ASIC2: variants seen among roughly 807,000 people sequenced by gnomAD.
ASIC2 encodes the protein acid sensing ion channel subunit 2.
A neutral mutation model predicts 57.3 loss-of-function variants in ASIC2; 25 were observed. The ratio of observed to expected loss-of-function variants is 0.44; its 90% CI spans 0.32 to 0.61. ASIC2 has a LOEUF of 0.61. Ranked by LOEUF, ASIC2 falls within the 20% of genes least tolerant of loss-of-function variation. The probability of loss-of-function intolerance (pLI) is 0.06; values close to 1 mark genes in which losing one functional copy is unlikely to be tolerated. For missense variants in ASIC2, 641 were observed against 738.1 expected (o/e 0.87, Z 1.52); for synonymous variants, 319 against 307.5 (o/e 1.04, Z -0.39).
At chr17:34,018,154 C>G (rs1467117045) in intron 1 of ASIC2, among the ~76,000 whole-genome samples, 1 of 152,154 alleles carries the variant, frequency 6.6e-6, no homozygotes, top group Non-Finnish European at 1.5e-5. Flanking sequence ...TAAGTTGAAG[C>G]CAATGCTCAT....
At chr17:34,012,666 A>G (rs1906813295) in intron 1 of ASIC2, among the ~76,000 whole-genome samples, 1 of 151,606 alleles carries the variant, frequency 6.6e-6, no homozygotes, top group Admixed American at 6.6e-5. Context: ...ATCACCTTAG[A>G]TTTGCATTTT....
In ASIC2 at chr17:33,772,161, A is replaced by C. The variant is rs377589740; in HGVS notation, c.555+383817T>G. On this transcript the variant is annotated intron_variant, in intron 1 of 9. Coordinates refer to the ASIC2 transcript ENST00000359872. ...TAAAACCTAAAAATATTCTATGTAAAAATAGACCATAAATAAATGATCTAA... is the reference window on the plus strand; with the variant it reads ...TAAAACCTAAAAATATTCTATGTAACAATAGACCATAAATAAATGATCTAA... Among the ~76,000 whole-genome samples the C allele has an allele frequency of 2.3e-4, 35 of 152,324 alleles. No homozygotes were observed. The South Asian group carries it at 6.8e-3, about 30-fold the overall frequency.
At chr17:33,158,330 A>G (rs1015298303) in intron 1 of ASIC2, among the ~76,000 whole-genome samples, 4 of 152,222 alleles carry the variant, frequency 2.6e-5, no homozygotes, top group African/African-American at 7.2e-5. Flanking sequence ...CTCAAGGGAA[A>G]GGTGAGATGA....
intron 1 of ASIC2, among the ~76,000 whole-genome samples, chr17:33,502,302 T>C (rs200047634): frequency 1.3e-5 from 2 of 152,132 alleles, no homozygotes; most frequent in East Asian, 3.9e-4. Flanking sequence ...GTGGGGACAC[T>C]AGGGAGATGT....
chr17:33,281,765 A>T (rs1904960043), intron 1 of ASIC2, among the ~76,000 whole-genome samples: 1 of 152,182 alleles, frequency 6.6e-6, no homozygotes, highest in South Asian at 2.1e-4. Context: ...TGGCTGGGTG[A>T]CTTAGGCCTC....
intron 1 of ASIC2, among the ~76,000 whole-genome samples, chr17:33,801,902 C>A (rs1442322190): frequency 6.6e-6 from 1 of 152,126 alleles, no homozygotes; most frequent in African/African-American, 2.4e-5. Flanking sequence ...TCCATCATCG[C>A]AGAGTGTAGT....
intron 1 of ASIC2, among the ~76,000 whole-genome samples, chr17:33,894,350 C>CGTGTGTGT (rs201934419): frequency 3.6e-5 from 5 of 138,604 alleles, no homozygotes; most frequent in South Asian, 4.9e-4. Flanking sequence ...TGCGTGCGTG[C>CGTGTGTGT]GTGTGTGTGT....
chr17:33,250,752 C>A (rs1322739622), intron 1 of ASIC2, among the ~76,000 whole-genome samples: 2 of 152,130 alleles, frequency 1.3e-5, no homozygotes, highest in East Asian at 3.9e-4. Context: ...GAGTCCTGGG[C>A]ACTGAGGCTT....
intron 1 of ASIC2, among the ~76,000 whole-genome samples, chr17:34,137,674 AC>A: frequency 6.6e-6 from 1 of 152,328 alleles, no homozygotes; most frequent in South Asian, 2.1e-4. Context: ...TAGCTTACAA[AC>A]AACAGATTTA....
At chr17:34,102,961 A>C (rs1191369071) in intron 1 of ASIC2, among the ~76,000 whole-genome samples, 1 of 152,196 alleles carries the variant, frequency 6.6e-6, no homozygotes, top group Non-Finnish European at 1.5e-5. Context: ...CTGATATTTC[A>C]TTGTTCAAGA....
intron 1 of ASIC2, chr17:33,580,224 C>G (rs1904387946): frequency 6.6e-6 from 1 of 152,172 alleles, no homozygotes; most frequent in South Asian, 2.1e-4. Context: ...TCAATTCCAT[C>G]TGGATCTAAT....
rs556901683 is a variant in ASIC2 at position 33,107,875 on chromosome 17, G to A, written c.859+4042C>T. On this transcript the variant is annotated intron_variant, in intron 2 of 9. Transcript: ENST00000225823. ...AGAAGTGGAGCCATCCACAAGGCAA[G>A]GCAAAAGTGTTCCAGAGGCTCTGCT... is the stretch of plus-strand genomic sequence containing the variant. Among the ~76,000 whole-genome samples the A allele has an allele frequency of 5.3e-5, 8 of 152,330 alleles. No homozygotes were observed. In the East Asian group the frequency reaches 1.5e-3, roughly 29 times the overall value.
intron 1 of ASIC2, among the ~76,000 whole-genome samples, chr17:33,122,290 G>A (rs755947001): frequency 1.3e-5 from 2 of 152,164 alleles, no homozygotes; most frequent in Non-Finnish European, 2.9e-5. Flanking sequence ...AGACACTCTG[G>A]GATGTGGCTC....
chr17:33,344,743 C>A (rs1410488108), intron 1 of ASIC2, among the ~76,000 whole-genome samples: 1 of 152,110 alleles, frequency 6.6e-6, no homozygotes, highest in African/African-American at 2.4e-5. Flanking sequence ...AGGTTATTAA[C>A]CCACTACTTT....
chr17:33,772,088 C>T (rs1318379900), intron 1 of ASIC2, among the ~76,000 whole-genome samples: 1 of 152,216 alleles, frequency 6.6e-6, no homozygotes, highest in Non-Finnish European at 1.5e-5. Context: ...ATCCCTCTTT[C>T]CCAAGGAGAG....
intron 1 of ASIC2, among the ~76,000 whole-genome samples, chr17:33,509,359 G>C (rs974885651): frequency 3.9e-5 from 6 of 152,148 alleles, no homozygotes; most frequent in African/African-American, 1.4e-4. Flanking sequence ...TATGGGGCAG[G>C]CTTCATAATG....
intron 1 of ASIC2, 147 bp from the exon 2 acceptor site, chr17:33,112,214 C>A: frequency 9.1e-7 from 1 of 1,096,024 alleles, no homozygotes; most frequent in Non-Finnish European, 1.3e-6. Context: ...AGTGGTTTTT[C>A]ATCCTGGCTG....
intron 1 of ASIC2, among the ~76,000 whole-genome samples, chr17:33,122,993 AGTATTG>A (rs2092308979): frequency 6.6e-6 from 1 of 152,232 alleles, no homozygotes; most frequent in Non-Finnish European, 1.5e-5. Flanking sequence ...AAAGATAACA[AGTATTG>A]GTGAAGACGT....
At chr17:33,466,347 AAACAAATGGAAGAACATT>A (rs1912862442) in intron 1 of ASIC2, among the ~76,000 whole-genome samples, 1 of 152,222 alleles carries the variant, frequency 6.6e-6, no homozygotes, top group Non-Finnish European at 1.5e-5. Context: ...AAAAGGACAC[AAACAAATGGAAGAACATT>A]CCATGCTCAT....
Sources: allele counts gnomAD v4.1 joint callset (sites outside exome capture counted in the v4.1 genomes callset), GRCh38; gene constraint gnomAD v4.1.1; transcripts MANE v1.5; gene names NCBI Gene and HGNC (gene_info 2026-07-23, HGNC 2026-07-21).